SOCS3: variants seen among roughly 807,000 people sequenced by gnomAD.
The protein encoded by SOCS3 is suppressor of cytokine signaling 3.
SOCS3 carries 5 observed loss-of-function variants against 11.7 expected under a neutral mutation model. The observed-to-expected ratio is 0.43, with a 90% CI of 0.22 to 0.90. The LOEUF is 0.90. SOCS3 is among the 40% of genes least tolerant of loss of function. SOCS3 has a pLI of 0.27. For synonymous variants in SOCS3, 143 were observed against 136.3 expected (o/e 1.05, Z -0.34); for missense variants, 203 against 302.0 (o/e 0.67, Z 2.43).
Position 78,358,312 on chromosome 17 carries a change from C to T in SOCS3, c.*106G>A. 2 of 1,069,596 alleles carry T rather than the reference C, an allele frequency of 1.9e-6. No homozygotes were observed. Among genetic ancestry groups the T allele is most frequent in the Admixed American group, 2.0e-5 (1 of 49,418 alleles). The allele number at this position is 1,069,596 out of a possible 1,614,324, so 66.3% of individuals were successfully genotyped here. ...CTGTCCGCCCTCTTTCCCCCCAGAG[C>T]TACAGGACTCTCTCCTGGTTGGCTT... is the stretch of plus-strand genomic sequence containing the variant. On this transcript the variant is annotated 3_prime_UTR_variant, in exon 2 of 2. Transcript: ENST00000330871. The surrounding 1 kb of genome is among the most constrained non-coding windows in gnomAD (Gnocchi z 4.7).
Position 78,358,434 on chromosome 17 carries a change from T to C in SOCS3, c.662A>G (p.Tyr221Cys), listed in dbSNP as rs757804276. 6.2e-7 allele frequency: 1 copy of C among 1,613,672 alleles called. No homozygotes were observed. The highest frequency in any genetic ancestry group is 1.7e-5 in the Admixed American group (1 of 60,018). ...CTTTACCCCTTAAAGCGGGGCATCG[T>C]ACTGGTCCAGGAACTCCCGAATGGG... ...PGPIREFLDQ[Y>C]DAPL The change falls in exon 2 of 2, where the codon TAC (tyrosine) becomes TGC (cysteine). Residue 221 changes from tyrosine to cysteine, a missense_variant. Coordinates refer to ENST00000330871, the MANE Select transcript of SOCS3 (RefSeq NM_003955.5). This position sits in a 1 kb window ranked among gnomAD's most constrained non-coding sequence, Gnocchi z 4.7.
chr17:78,358,406 G>T lies in SOCS3; in HGVS notation c.*12C>A. 6.2e-7 allele frequency: 1 copy of T among 1,613,272 alleles called. No individual in the cohort carries two copies. Among genetic ancestry groups the T allele is most frequent in the Non-Finnish European group, 8.5e-7 (1 of 1,179,840 alleles). On this transcript the variant is annotated 3_prime_UTR_variant, in exon 2 of 2. Coordinates refer to ENST00000330871, the MANE Select transcript of SOCS3 (RefSeq NM_003955.5). The surrounding 1 kb of genome is among the most constrained non-coding windows in gnomAD (Gnocchi z 4.7). ...CCCTCTCCCGACCCATGCCCTTTGC[G>T]CCCTTTACCCCTTAAAGCGGGGCAT...
upstream of SOCS3, chr17:78,360,397 CT>C (rs1017961834): frequency 2.0e-5 from 3 of 148,952 alleles, no homozygotes; most frequent in East Asian, 4.0e-4. This position sits in a 1 kb window ranked among gnomAD's most constrained non-coding sequence, Gnocchi z 5.6. Flanking sequence ...CTCATTCACA[CT>C]TTCCCCCCAC....
upstream of SOCS3, among the ~76,000 whole-genome samples, chr17:78,360,293 AGAGGCGGCC>A (rs1231218352): frequency 6.6e-6 from 1 of 150,528 alleles, no homozygotes; most frequent in Non-Finnish European, 1.5e-5. The surrounding 1 kb of genome is among the most constrained non-coding windows in gnomAD (Gnocchi z 5.6). Flanking sequence ...AAGCGCGACG[AGAGGCGGCC>A]GAGGCGGCCG....
rs936293643 is a variant in SOCS3 at position 78,357,165 on chromosome 17, C to G, written c.*1253G>C. The G allele has an allele frequency of 6.6e-6, 1 of 152,144 alleles. No individual in the cohort carries two copies. The highest frequency in any genetic ancestry group is 1.5e-5 in the Non-Finnish European group (1 of 68,058). 9.4% of individuals were successfully genotyped at this position (152,144 alleles called of 1,614,324 possible). ...AAAAAACTGTTCCAGGTAATTCCATCGCTGCTACATTCCTGTAAATTGTCA... is the reference window on the plus strand; with the variant it reads ...AAAAAACTGTTCCAGGTAATTCCATGGCTGCTACATTCCTGTAAATTGTCA... On this transcript the variant is annotated 3_prime_UTR_variant, in exon 2 of 2. Coordinates refer to ENST00000330871, the MANE Select transcript of SOCS3 (RefSeq NM_003955.5). This position sits in a 1 kb window ranked among gnomAD's most constrained non-coding sequence, Gnocchi z 7.0.
At position 78,358,208 on chromosome 17, in the gene SOCS3, C is replaced by G; in HGVS notation, c.*210G>C. On this transcript the variant is annotated 3_prime_UTR_variant, in exon 2 of 2. Coordinates refer to ENST00000330871, the MANE Select transcript of SOCS3 (RefSeq NM_003955.5). This position sits in a 1 kb window ranked among gnomAD's most constrained non-coding sequence, Gnocchi z 4.7. ...GGCTCCTCCGGAGAAGCTGGAGACTCAGGTGGTACTCCCCCTTCCCTCCAA... is the reference window on the plus strand; with the variant it reads ...GGCTCCTCCGGAGAAGCTGGAGACTGAGGTGGTACTCCCCCTTCCCTCCAA... 1.7e-6 allele frequency: 1 copy of G among 575,396 alleles called. No homozygotes were observed. Among genetic ancestry groups the G allele is most frequent in the Non-Finnish European group, 3.1e-6 (1 of 323,208 alleles). The allele number at this position is 575,396 out of a possible 1,614,324, so 35.6% of individuals were successfully genotyped here.
chr17:78,357,692 A>G lies in SOCS3; in HGVS notation c.*726T>C, dbSNP rs2081578122. ...GGTATAGTATGAGTAGGAAAAGGAG[A>G]CCAGCTGACCAGCCCATCCATCCCC... On this transcript the variant is annotated 3_prime_UTR_variant, in exon 2 of 2. Transcript: ENST00000330871. The surrounding 1 kb of genome is among the most constrained non-coding windows in gnomAD (Gnocchi z 7.0). The G allele has an allele frequency of 6.6e-6, 1 of 152,380 alleles. No individual in the cohort carries two copies. Among genetic ancestry groups the G allele is most frequent in the Admixed American group, 6.5e-5 (1 of 15,276 alleles). The allele number at this position is 152,380 out of a possible 1,614,324, so 9.4% of individuals were successfully genotyped here.
chr17:78,360,456 G>C (rs1171048573), upstream of SOCS3: 1 of 148,576 alleles, frequency 6.7e-6, no homozygotes, highest in Non-Finnish European at 1.5e-5. The surrounding 1 kb of genome is among the most constrained non-coding windows in gnomAD (Gnocchi z 5.6). Context: ...CGGGGGCGCC[G>C]CTTCGGGAGA....
upstream of SOCS3, among the ~76,000 whole-genome samples, chr17:78,360,231 G>A (rs1427320154): frequency 2.1e-4 from 32 of 150,944 alleles, no homozygotes; most frequent in South Asian, 3.7e-3. The surrounding 1 kb of genome is among the most constrained non-coding windows in gnomAD (Gnocchi z 5.6). Context: ...CGCGGGCGCC[G>A]AGGGCGGGCC....
At chr17:78,360,350 A>G (rs1265782637), upstream of SOCS3, 1 of 150,340 alleles carries the variant, frequency 6.7e-6, no homozygotes, top group Non-Finnish European at 1.5e-5. This position sits in a 1 kb window ranked among gnomAD's most constrained non-coding sequence, Gnocchi z 5.6. Flanking sequence ...CGTTCCTGGC[A>G]GCGGCCCCTC....
rs1009294397 is a variant in SOCS3 at position 78,358,041 on chromosome 17, G to T, written c.*377C>A. On this transcript the variant is annotated 3_prime_UTR_variant, in exon 2 of 2. Transcript: ENST00000330871. The surrounding 1 kb of genome is among the most constrained non-coding windows in gnomAD (Gnocchi z 4.7). ...TTAAACCAAATCAAAGAGCAAACAA[G>T]TTCCGTTGGAAAGTTTGAAGATTCC... The T allele has an allele frequency of 8.8e-6, 2 of 226,404 alleles. No individual in the cohort carries two copies. Among genetic ancestry groups the T allele is most frequent in the East Asian group, 2.2e-4 (2 of 9,032 alleles). 14.0% of individuals were successfully genotyped at this position (226,404 alleles called of 1,614,324 possible).
In SOCS3 at chr17:78,357,326, T is replaced by C. The variant is rs1053319324; in HGVS notation, c.*1092A>G. ...GGGCAGTGGGACCTGGTGGCTCTGC[T>C]CTGACCACGAGGCGCCTGACTGGCC... On this transcript the variant is annotated 3_prime_UTR_variant, in exon 2 of 2. Transcript: ENST00000330871. This position sits in a 1 kb window ranked among gnomAD's most constrained non-coding sequence, Gnocchi z 7.0. 1.3e-5 allele frequency: 2 copies of C among 152,168 alleles called. No homozygotes were observed. Among genetic ancestry groups the C allele is most frequent in the African/African-American group, 4.8e-5 (2 of 41,398 alleles). 9.4% of individuals were successfully genotyped at this position (152,168 alleles called of 1,614,324 possible). A position where few individuals can be genotyped will look rare whatever the true frequency, so the allele number is the denominator to read the frequency against.
In SOCS3 at chr17:78,358,488, G is replaced by C. The variant is rs768271342; in HGVS notation, c.608C>G (p.Ser203Cys). 1.2e-6 allele frequency: 2 copies of C among 1,613,826 alleles called. No homozygotes were observed. The highest frequency in any genetic ancestry group is 1.7e-6 in the Non-Finnish European group (2 of 1,179,988). ...CGGCAGCTGGGTGACTTTCTCATAG[G>C]AGTCCAGGTGGCCGTTGACGGTCTT... ...CRKTVNGHLD[S>C]YEKVTQLPGP... The change falls in exon 2 of 2, where the codon TCC (serine) becomes TGC (cysteine). Residue 203 changes from serine (S) to cysteine (C), a missense_variant. Ser to Cys is a moderately radical substitution (Grantham distance 112). Around this residue, in one of 3 missense-constraint regions of SOCS3, gnomAD observed 141 missense variants for 200.5 expected, o/e 0.70. Transcript: ENST00000330871. The surrounding 1 kb of genome is among the most constrained non-coding windows in gnomAD (Gnocchi z 4.7).
Position 78,358,540 on chromosome 17 carries a change from C to T in SOCS3, c.556G>A (p.Val186Met). ...CGACAGAGATGCTGAAGAGTGGCCA[C>T]GTTGGAGGAGAGGGGCCGGCTCAAC... The part of the protein sequence containing the change: ...LVLSRPLSSN[V>M]ATLQHLCRKT... Residue 186 changes from valine (V) to methionine (M), a missense_variant, in exon 2 of 2, where the codon GTG (valine) becomes ATG (methionine). Coordinates refer to ENST00000330871, the MANE Select transcript of SOCS3 (RefSeq NM_003955.5). This position sits in a 1 kb window ranked among gnomAD's most constrained non-coding sequence, Gnocchi z 4.7. 1 of 1,613,562 alleles carries T rather than the reference C, an allele frequency of 6.2e-7. No individual in the cohort carries two copies. Among genetic ancestry groups the T allele is most frequent in the Non-Finnish European group, 8.5e-7 (1 of 1,179,962 alleles).
rs199805594 is a variant in SOCS3 at position 78,358,700 on chromosome 17, T to C, written c.396A>G (p.Gly132=). ...KLVHHYMPPP[G]APSFPSPPTE... ...TAGGTGGCGAGGGGAAGGAGGGGGC[T>C]CCAGGGGGCGGCATGTAGTGGTGCA... The change falls in exon 2 of 2, where the codon GGA becomes GGG. Residue 132 remains glycine, a synonymous_variant. Transcript: ENST00000330871. This position sits in a 1 kb window ranked among gnomAD's most constrained non-coding sequence, Gnocchi z 4.7. The C allele has an allele frequency of 1.4e-5, 23 of 1,608,590 alleles. No individual in the cohort carries two copies. The highest frequency in any genetic ancestry group is 1.9e-5 in the Non-Finnish European group (22 of 1,176,646).
Position 78,358,916 on chromosome 17 carries a change from G to T in SOCS3, c.180C>A (p.Leu60=), listed in dbSNP as rs1464974546. 6.2e-7 allele frequency: 1 copy of T among 1,601,214 alleles called. No homozygotes were observed. The highest frequency in any genetic ancestry group is 1.3e-5 in the African/African-American group (1 of 74,826). The part of the protein sequence containing the change: ...AVTGGEANLL[L]SAEPAGTFLI... ...GAAAGGTGCCGGCGGGCTCGGCACT[G>T]AGCAGCAGGTTCGCCTCGCCGCCGG... Residue 60 remains leucine, a synonymous_variant, in exon 2 of 2, where the codon CTC becomes CTA. Transcript: ENST00000330871. This position sits in a 1 kb window ranked among gnomAD's most constrained non-coding sequence, Gnocchi z 4.7.
Position 78,358,311 on chromosome 17 carries a change from G to A in SOCS3, c.*107C>T. 2.8e-6 allele frequency: 3 copies of A among 1,055,218 alleles called. No individual in the cohort carries two copies. Among genetic ancestry groups the A allele is most frequent in the Non-Finnish European group, 4.3e-6 (3 of 700,228 alleles). 65.4% of individuals were successfully genotyped at this position (1,055,218 alleles called of 1,614,324 possible). On this transcript the variant is annotated 3_prime_UTR_variant, in exon 2 of 2. Coordinates refer to ENST00000330871, the MANE Select transcript of SOCS3 (RefSeq NM_003955.5). This position sits in a 1 kb window ranked among gnomAD's most constrained non-coding sequence, Gnocchi z 4.7. ...CCTGTCCGCCCTCTTTCCCCCCAGA[G>A]CTACAGGACTCTCTCCTGGTTGGCT...
chr17:78,359,159 G>A lies in SOCS3; in HGVS notation c.-64C>T. ...GCAGCTGCTTCGCGGCCTCCGCACA[G>A]CGGCCGCTACCGCATCCCGGGGGGC... is the stretch of plus-strand genomic sequence containing the variant. On this transcript the variant is annotated 5_prime_UTR_variant, in exon 2 of 2. Coordinates refer to ENST00000330871, the MANE Select transcript of SOCS3 (RefSeq NM_003955.5). 1 of 1,481,760 alleles carries A rather than the reference G, an allele frequency of 6.7e-7. No homozygotes were observed. Among genetic ancestry groups the A allele is most frequent in the Non-Finnish European group, 9.0e-7 (1 of 1,108,730 alleles). The allele number at this position is 1,481,760 out of a possible 1,614,324, so 91.8% of individuals were successfully genotyped here.
chr17:78,357,008 GAAAC>G lies in SOCS3; in HGVS notation c.*1406_*1409del, dbSNP rs1050026887. 2 of 151,184 alleles carry G rather than the reference GAAAC, an allele frequency of 1.3e-5. No homozygotes were observed. Among genetic ancestry groups the G allele is most frequent in the East Asian group, 1.9e-4 (1 of 5,158 alleles). 9.4% of individuals were successfully genotyped at this position (151,184 alleles called of 1,614,324 possible). ...GATTGTAAACATTATTAAAAAACAA[GAAAC>G]AAACAAAAAAATAGAGAAAAAAACC... On this transcript the variant is annotated 3_prime_UTR_variant, in exon 2 of 2. Coordinates refer to ENST00000330871, the MANE Select transcript of SOCS3 (RefSeq NM_003955.5). The surrounding 1 kb of genome is among the most constrained non-coding windows in gnomAD (Gnocchi z 7.0).
Sources: gnomAD v4.1 joint callset for allele counts (sites outside exome capture counted in the v4.1 genomes callset) on GRCh38, gnomAD v4.1.1 for gene constraint, gnomAD v4.1.1 regional missense constraint, Gnocchi (gnomAD v3.1) non-coding constraint, MANE v1.5 for transcripts, NCBI Gene and HGNC (gene_info 2026-07-23, HGNC 2026-07-21) for gene names.